MAGI1: variants seen among roughly 807,000 people sequenced by gnomAD.
MAGI1 encodes the protein membrane-associated guanylate kinase, WW and PDZ domain-containing protein 1.
MAGI1 carries 58 observed loss-of-function variants against 139.9 expected under a neutral mutation model. The observed-to-expected ratio is 0.41, with a 90% confidence interval of 0.34 to 0.52. The LOEUF (loss-of-function observed/expected upper bound fraction) is 0.52. MAGI1 is among the 20% of genes least tolerant of loss of function. MAGI1 has a pLI of 0.12. For missense variants in MAGI1, 1,874 were observed against 1,901.6 expected (o/e 0.99, Z 0.27); for synonymous variants, 812 against 737.9 (o/e 1.10, Z -1.63).
intron 1 of MAGI1, among the ~76,000 whole-genome samples, chr3:65,939,537 T>C (rs2063213539): frequency 2.0e-5 from 3 of 152,214 alleles, no homozygotes; most frequent in African/African-American, 7.2e-5. Flanking sequence ...CGATGGTTCA[T>C]TTTCTAACTT....
intron 1 of MAGI1, among the ~76,000 whole-genome samples, chr3:65,952,073 C>T (rs1576230567): frequency 6.6e-6 from 1 of 152,154 alleles, no homozygotes; most frequent in African/African-American, 2.4e-5. Context: ...ATTCATAATT[C>T]AAGGAAATGC....
At chr3:65,971,336 T>C (rs2065006152) in intron 1 of MAGI1, among the ~76,000 whole-genome samples, 1 of 152,244 alleles carries the variant, frequency 6.6e-6, no homozygotes, top group Non-Finnish European at 1.5e-5. Context: ...CTATGGATTA[T>C]GGTCTTAAGT....
At chr3:65,720,382 C>G (rs937980027) in intron 1 of MAGI1, among the ~76,000 whole-genome samples, 2 of 152,110 alleles carry the variant, frequency 1.3e-5, no homozygotes, top group African/African-American at 4.8e-5. Context: ...GACACTGAAG[C>G]CTACCCTGGA....
chr3:65,645,323 A>G lies in MAGI1; in HGVS notation c.314-23235T>C, dbSNP rs919641023. Among the ~76,000 whole-genome samples, 3 of 152,284 alleles carry G rather than the reference A, an allele frequency of 2.0e-5. No homozygotes were observed. In the South Asian group the frequency reaches 6.2e-4, roughly 32 times the overall value. ...CAGTGAGAGAAATACTACCTTACATAGAAAAAATAGAGTGACAGTAAATTT... is the reference window on the plus strand; with the variant it reads ...CAGTGAGAGAAATACTACCTTACATGGAAAAAATAGAGTGACAGTAAATTT... On this transcript the variant is annotated intron_variant, in intron 1 of 22. Transcript: ENST00000402939.
At chr3:65,744,046 G>A (rs1397867384) in intron 1 of MAGI1, among the ~76,000 whole-genome samples, 2 of 151,972 alleles carry the variant, frequency 1.3e-5, no homozygotes, top group African/African-American at 2.4e-5. Context: ...TTGTTCTTGG[G>A]AATGAAAATT....
chr3:65,871,194 C>A (rs2108488322), intron 1 of MAGI1, among the ~76,000 whole-genome samples: 1 of 152,176 alleles, frequency 6.6e-6, no homozygotes, highest in South Asian at 2.1e-4. Context: ...TCCTCCACCT[C>A]CCAAAGTGCT....
At chr3:65,492,136 C>T (rs1439492318) in intron 3 of MAGI1, among the ~76,000 whole-genome samples, 2 of 152,154 alleles carry the variant, frequency 1.3e-5, no homozygotes, top group Non-Finnish European at 2.9e-5. Flanking sequence ...CCTAATAAAT[C>T]CAAATTTTAA....
chr3:65,952,793 G>A (rs1191075116), intron 1 of MAGI1, among the ~76,000 whole-genome samples: 4 of 152,274 alleles, frequency 2.6e-5, no homozygotes, highest in South Asian at 4.1e-4. Flanking sequence ...CAGCCTCGGC[G>A]ACAGAGCGAG....
intron 1 of MAGI1, among the ~76,000 whole-genome samples, chr3:65,849,001 C>CTTTTTTTCTTTTTT (rs2059106954): frequency 5.0e-5 from 2 of 39,638 alleles, no homozygotes; most frequent in African/African-American, 1.9e-4. Context: ...TCAGAGCATT[C>CTTTTTTTCTTTTTT]TTTTTTTTTT....
At chr3:65,400,367 C>A (rs1944761197) in intron 13 of MAGI1, among the ~76,000 whole-genome samples, 1 of 152,150 alleles carries the variant, frequency 6.6e-6, no homozygotes. Context: ...CCTTAATAAA[C>A]TTCTGCCTCA....
chr3:66,025,042 T>C (rs1026092337), intron 1 of MAGI1, among the ~76,000 whole-genome samples: 4 of 152,242 alleles, frequency 2.6e-5, no homozygotes, highest in South Asian at 4.1e-4. Flanking sequence ...GCTTTATTTC[T>C]AGATAGCTAT....
intron 1 of MAGI1, among the ~76,000 whole-genome samples, chr3:65,912,550 G>T (rs1219346131): frequency 1.3e-5 from 2 of 152,134 alleles, no homozygotes; most frequent in African/African-American, 4.8e-5. Context: ...TGTTTTTCAG[G>T]TCACACGCAA....
At chr3:65,958,804 T>C (rs970847053) in intron 1 of MAGI1, among the ~76,000 whole-genome samples, 6 of 152,096 alleles carry the variant, frequency 3.9e-5, no homozygotes, top group African/African-American at 1.4e-4. Flanking sequence ...CTAGCCAACA[T>C]GGTGAAACCC....
At chr3:65,897,949 C>G (rs2061051692) in intron 1 of MAGI1, among the ~76,000 whole-genome samples, 1 of 151,996 alleles carries the variant, frequency 6.6e-6, no homozygotes, top group Non-Finnish European at 1.5e-5. Flanking sequence ...CATTCTACCA[C>G]AGGGATCACT....
chr3:65,915,886 A>C (rs759055818), intron 1 of MAGI1, among the ~76,000 whole-genome samples: 1 of 151,806 alleles, frequency 6.6e-6, no homozygotes, highest in African/African-American at 2.4e-5. Flanking sequence ...TCAAGCTTTG[A>C]TTTATGTTGA....
intron 1 of MAGI1, among the ~76,000 whole-genome samples, chr3:65,870,634 G>C (rs2108485915): frequency 6.9e-6 from 1 of 145,522 alleles, no homozygotes; most frequent in East Asian, 2.1e-4. Flanking sequence ...AGACAGGAGA[G>C]AGGCAGGGTG....
chr3:65,904,813 G>A (rs1020205955), intron 1 of MAGI1, among the ~76,000 whole-genome samples: 8 of 152,302 alleles, frequency 5.3e-5, no homozygotes, highest in Non-Finnish European at 1.0e-4. Context: ...TGGTCATTAT[G>A]TGGATGCAGC....
At chr3:66,028,449 T>C (rs1441989482) in intron 1 of MAGI1, among the ~76,000 whole-genome samples, 1 of 152,100 alleles carries the variant, frequency 6.6e-6, no homozygotes, top group Non-Finnish European at 1.5e-5. Flanking sequence ...CCCTGGTCTC[T>C]CAGCTGGGAA....
intron 1 of MAGI1, among the ~76,000 whole-genome samples, chr3:65,756,287 C>T (rs1459886268): frequency 6.6e-6 from 1 of 152,078 alleles, no homozygotes; most frequent in Non-Finnish European, 1.5e-5. Context: ...CATTTTTACA[C>T]AGCATAAATA....
Sources: gnomAD v4.1 joint callset for allele counts (sites outside exome capture counted in the v4.1 genomes callset) on GRCh38, gnomAD v4.1.1 for gene constraint, MANE v1.5 for transcripts, NCBI Gene and HGNC (gene_info 2026-07-23, HGNC 2026-07-21) for gene names.